SPATA17: variants seen among roughly 807,000 people sequenced by gnomAD.
SPATA17 encodes spermatogenesis associated 17, also known as spermatogenesis-associated protein 17.
In SPATA17, 53 loss-of-function variants were observed where a neutral mutation model predicts 62.2. The observed-to-expected ratio is 0.85, with a 90% CI of 0.68 to 1.07. The LOEUF (loss-of-function observed/expected upper bound fraction) is 1.07, where lower values mean the gene tolerates loss of function less well. Ranked by LOEUF, SPATA17 falls within the 50% of genes least tolerant of loss-of-function variation. SPATA17 has a pLI of 0.00. For synonymous variants in SPATA17, 146 were observed against 146.8 expected, an observed-to-expected ratio of 0.99 and a Z score of 0.04; for missense variants, 466 against 425.5, an observed-to-expected ratio of 1.10 and a Z score of -0.84.
At chr1:217,750,871 CAAG>C (rs1477382015) in intron 6 of SPATA17, among the ~76,000 whole-genome samples, 1 of 152,156 alleles carries the variant, frequency 6.6e-6, no homozygotes, top group Non-Finnish European at 1.5e-5. Context: ...GCAACCTGCG[CAAG>C]GTCACACAAC....
chr1:217,759,410 G>T (rs1398956543), intron 6 of SPATA17, among the ~76,000 whole-genome samples: 1 of 152,002 alleles, frequency 6.6e-6, no homozygotes, highest in African/African-American at 2.4e-5. Context: ...AGTGAGCCAA[G>T]ATTGCACCAT....
intron 9 of SPATA17, among the ~76,000 whole-genome samples, chr1:217,848,213 G>A (rs1279672888): frequency 2.0e-5 from 3 of 149,606 alleles, no homozygotes; most frequent in African/African-American, 7.4e-5. Context: ...ATGAAAAGTG[G>A]CAGACTGCTA....
At chr1:217,713,792 G>C (rs184326743) in intron 5 of SPATA17, among the ~76,000 whole-genome samples, 2 of 152,158 alleles carry the variant, frequency 1.3e-5, no homozygotes, top group Non-Finnish European at 2.9e-5. Context: ...GCAAAACTGC[G>C]ATGGGATTGC....
chr1:217,750,874 G>A (rs1672888197), intron 6 of SPATA17, among the ~76,000 whole-genome samples: 2 of 152,108 alleles, frequency 1.3e-5, no homozygotes, highest in Non-Finnish European at 1.5e-5. Context: ...ACCTGCGCAA[G>A]GTCACACAAC....
chr1:217,856,366 G>C (rs371470250), intron 9 of SPATA17, among the ~76,000 whole-genome samples: 1 of 152,196 alleles, frequency 6.6e-6, no homozygotes, highest in African/African-American at 2.4e-5. Context: ...AAACAAACAC[G>C]GCAGAGGCTA....
At chr1:217,711,079 G>GTT (rs1671850951) in intron 5 of SPATA17, among the ~76,000 whole-genome samples, 1 of 152,180 alleles carries the variant, frequency 6.6e-6, no homozygotes, top group African/African-American at 2.4e-5. Flanking sequence ...GGACATTTGA[G>GTT]ATGTTTCCAC....
intron 3 of SPATA17, among the ~76,000 whole-genome samples, chr1:217,658,416 G>A (rs892809332): frequency 6.6e-6 from 1 of 152,190 alleles, no homozygotes; most frequent in Non-Finnish European, 1.5e-5. Flanking sequence ...CGGAGCAGAT[G>A]CTGATACCAC....
At chr1:217,659,934 T>G (rs1670530380) in intron 3 of SPATA17, among the ~76,000 whole-genome samples, 2 of 152,144 alleles carry the variant, frequency 1.3e-5, no homozygotes, top group Admixed American at 6.5e-5. Flanking sequence ...CAATGTAAAG[T>G]CCTTGCTTTT....
Position 217,758,695 on chromosome 1 carries a change from A to C in SPATA17, c.520-15639A>C, listed in dbSNP as rs1369553647. On this transcript the variant is annotated intron_variant, in intron 6 of 10. Coordinates refer to ENST00000366933, the MANE Select transcript of SPATA17 (RefSeq NM_138796.4). ...GCCTTGCGTGATTAACATAATCAAC[A>C]ATGGAACTCAGATGAGCAAGGAACT... Among the ~76,000 whole-genome samples the C allele has an allele frequency of 1.3e-5, 2 of 152,222 alleles. 1 individual carries two copies. The highest frequency in any genetic ancestry group is 2.9e-5 in the Non-Finnish European group (2 of 68,036).
At chr1:217,783,992 T>G (rs1558049614) in intron 8 of SPATA17, among the ~76,000 whole-genome samples, 1 of 152,158 alleles carries the variant, frequency 6.6e-6, no homozygotes, top group Non-Finnish European at 1.5e-5. Flanking sequence ...TAAAAAAAAT[T>G]TCTTATAGAT....
At chr1:217,865,567 T>C (rs1675992166) in intron 10 of SPATA17, among the ~76,000 whole-genome samples, 1 of 152,240 alleles carries the variant, frequency 6.6e-6, no homozygotes, top group South Asian at 2.1e-4. Context: ...TTTGTAACTT[T>C]CAATAGTTTC....
chr1:217,841,651 G>A (rs1186080177), intron 9 of SPATA17, among the ~76,000 whole-genome samples: 2 of 151,742 alleles, frequency 1.3e-5, no homozygotes, highest in African/African-American at 2.4e-5. Flanking sequence ...GTCCAAGCAC[G>A]GTGGCTCATG....
intron 3 of SPATA17, among the ~76,000 whole-genome samples, chr1:217,656,499 G>T (rs2102887701): frequency 6.6e-6 from 1 of 151,948 alleles, no homozygotes; most frequent in South Asian, 2.1e-4. Context: ...GGTTCATGAT[G>T]GTTTTTAAAT....
chr1:217,830,593 T>C (rs1206992846), intron 9 of SPATA17, among the ~76,000 whole-genome samples: 1 of 152,150 alleles, frequency 6.6e-6, no homozygotes, highest in Non-Finnish European at 1.5e-5. Context: ...CTAAATGCAA[T>C]ATATTTTCTC....
chr1:217,696,663 G>C (rs893363104), intron 5 of SPATA17, among the ~76,000 whole-genome samples: 2 of 151,950 alleles, frequency 1.3e-5, no homozygotes, highest in Non-Finnish European at 2.9e-5. Context: ...ATATTGTTCT[G>C]GTTGTTTGTA....
chr1:217,730,851 A>G (rs1222759058), intron 5 of SPATA17, among the ~76,000 whole-genome samples: 1 of 152,142 alleles, frequency 6.6e-6, no homozygotes, highest in Non-Finnish European at 1.5e-5. Flanking sequence ...TTTTGAGTAG[A>G]TTTATCTCAG....
chr1:217,776,002 T>G (rs2102973048), intron 7 of SPATA17, among the ~76,000 whole-genome samples: 1 of 152,278 alleles, frequency 6.6e-6, no homozygotes. Context: ...ATTATCAATT[T>G]TATTGAATTT....
intron 4 of SPATA17, among the ~76,000 whole-genome samples, chr1:217,676,044 C>T (rs147935987): frequency 6.6e-6 from 1 of 152,260 alleles, no homozygotes; most frequent in East Asian, 1.9e-4. Context: ...ATTGGTAGTA[C>T]ATTTCACGCA....
chr1:217,760,313 G>A (rs1673143210), intron 6 of SPATA17, among the ~76,000 whole-genome samples: 1 of 152,004 alleles, frequency 6.6e-6, no homozygotes. Flanking sequence ...GAAAACAAAA[G>A]ATAATCTAAA....
Sources: gnomAD v4.1 joint callset for allele counts (sites outside exome capture counted in the v4.1 genomes callset) on GRCh38, gnomAD v4.1.1 for gene constraint, MANE v1.5 for transcripts, NCBI Gene and HGNC (gene_info 2026-07-23, HGNC 2026-07-21) for gene names.